Variants in LRRTM4 observed in about 807,000 individuals in gnomAD.
The protein encoded by LRRTM4 is leucine-rich repeat transmembrane neuronal protein 4.
Under a neutral mutation model 47.6 loss-of-function variants are expected in LRRTM4, and 25 were observed. That is an observed-to-expected ratio of 0.53 (90% confidence interval 0.38 to 0.73). The LOEUF (loss-of-function observed/expected upper bound fraction) is 0.73. Among genes scored for constraint, LRRTM4 ranks in the 30% least tolerant of loss-of-function variants. LRRTM4 has a pLI of 0.00. For synonymous variants in LRRTM4, 311 were observed against 269.5 expected, an observed-to-expected ratio of 1.15 and a Z score of -1.51; for missense variants, 638 against 713.4, an observed-to-expected ratio of 0.89 and a Z score of 1.20.
At chr2:77,253,385 G>T (rs953321720) in intron 3 of LRRTM4, among the ~76,000 whole-genome samples, 12 of 152,004 alleles carry the variant, frequency 7.9e-5, no homozygotes, top group African/African-American at 2.9e-4. Flanking sequence ...TGTCAATAGA[G>T]GCCAACTAGG....
chr2:76,808,673 C>T (rs75337149), intron 3 of LRRTM4, among the ~76,000 whole-genome samples: 6,780 of 152,190 alleles, frequency 0.045, 460 homozygotes, highest in African/African-American at 0.14. Context: ...AGTCCACTTC[C>T]AAATTCCTAG....
chr2:77,342,656 T>C lies in LRRTM4; in HGVS notation c.1551+175662A>G, dbSNP rs143274438. On this transcript the variant is annotated intron_variant, in intron 3 of 3. Transcript: ENST00000409884. Reference sequence around the variant, plus strand: ...AGACAATATATACACAATTGTATAATAAAATATCTTCCAGAGAACAGTCAT... The same window carrying C: ...AGACAATATATACACAATTGTATAACAAAATATCTTCCAGAGAACAGTCAT... Among the ~76,000 whole-genome samples, 1,220 of 152,122 alleles carry C rather than the reference T, an allele frequency of 8.0e-3. 23 individuals are homozygous for C. Among genetic ancestry groups the C allele is most frequent in the African/African-American group, 0.028 (1,177 of 41,536 alleles).
intron 3 of LRRTM4, among the ~76,000 whole-genome samples, chr2:76,763,356 G>A (rs1286670935): frequency 6.6e-6 from 1 of 152,200 alleles, no homozygotes; most frequent in African/African-American, 2.4e-5. Flanking sequence ...GTCACAAGGT[G>A]GGTTCCTGAT....
chr2:76,841,834 AT>A (rs1405471392), intron 3 of LRRTM4, among the ~76,000 whole-genome samples: 1 of 152,174 alleles, frequency 6.6e-6, no homozygotes, highest in East Asian at 1.9e-4. Context: ...AGAACTAAAG[AT>A]TTTTTAAAAA....
At chr2:77,322,475 G>A (rs762475636) in intron 3 of LRRTM4, among the ~76,000 whole-genome samples, 42 of 152,022 alleles carry the variant, frequency 2.8e-4, no homozygotes, top group Non-Finnish European at 4.3e-4. Context: ...ACATGATAGG[G>A]AAAGTTTAAC....
In LRRTM4 at chr2:77,008,820, G is replaced by A. The variant is rs147582438; in HGVS notation, c.1552-259904C>T. On this transcript the variant is annotated intron_variant, in intron 3 of 3. Transcript: ENST00000409884. ...ACGAGGCGCCGGCAATGCCTTTCTAGTAGCTTATTACTTTTTCCTTGTAGG... is the reference window on the plus strand; with the variant it reads ...ACGAGGCGCCGGCAATGCCTTTCTAATAGCTTATTACTTTTTCCTTGTAGG... Among the ~76,000 whole-genome samples, 489 of 151,906 alleles carry A rather than the reference G, an allele frequency of 3.2e-3. 2 individuals carry two copies. The highest frequency in any genetic ancestry group is 4.9e-3 in the Non-Finnish European group (335 of 67,938).
chr2:77,502,324 T>C (rs1435026228), intron 3 of LRRTM4, among the ~76,000 whole-genome samples: 3 of 151,420 alleles, frequency 2.0e-5, no homozygotes, highest in African/African-American at 4.8e-5. Context: ...TTTATCATTT[T>C]GAACATAAAC....
chr2:77,500,868 G>GT (rs1678547330), intron 3 of LRRTM4, among the ~76,000 whole-genome samples: 1 of 151,352 alleles, frequency 6.6e-6, no homozygotes, highest in South Asian at 2.1e-4. Context: ...TTTATTTACT[G>GT]TAATGAGAAA....
intron 3 of LRRTM4, among the ~76,000 whole-genome samples, chr2:76,872,892 T>G (rs1299691701): frequency 6.6e-6 from 1 of 152,070 alleles, no homozygotes; most frequent in Non-Finnish European, 1.5e-5. Context: ...ACCTTCCCAC[T>G]CACCCTTGCT....
chr2:76,991,687 G>A (rs1028295708), intron 3 of LRRTM4, among the ~76,000 whole-genome samples: 1 of 151,654 alleles, frequency 6.6e-6, no homozygotes, highest in Admixed American at 6.6e-5. Context: ...AGGGCTCAGA[G>A]CCAAATTCTA....
At chr2:77,121,384 A>G (rs569079463) in intron 3 of LRRTM4, among the ~76,000 whole-genome samples, 1 of 151,940 alleles carries the variant, frequency 6.6e-6, no homozygotes, top group Non-Finnish European at 1.5e-5. Flanking sequence ...TTCCCAAACA[A>G]AGGATAAATA....
chr2:77,085,207 TTCA>T (rs1680669957), intron 3 of LRRTM4, among the ~76,000 whole-genome samples: 1 of 152,030 alleles, frequency 6.6e-6, no homozygotes, highest in Non-Finnish European at 1.5e-5. Flanking sequence ...TTTATTTTAT[TTCA>T]TTTTATATAT....
chr2:77,173,551 TATTAA>T (rs1673113016), intron 3 of LRRTM4, among the ~76,000 whole-genome samples: 1 of 152,188 alleles, frequency 6.6e-6, no homozygotes, highest in African/African-American at 2.4e-5. Flanking sequence ...GAACGGTCTT[TATTAA>T]ATTAAACCAA....
intron 3 of LRRTM4, among the ~76,000 whole-genome samples, chr2:76,752,973 G>A (rs1404381626): frequency 6.6e-6 from 1 of 152,138 alleles, no homozygotes; most frequent in African/African-American, 2.4e-5. Context: ...ATTGGAAGCT[G>A]CACTTTATTT....
At chr2:76,811,529 C>T (rs1177443347) in intron 3 of LRRTM4, among the ~76,000 whole-genome samples, 1 of 152,102 alleles carries the variant, frequency 6.6e-6, no homozygotes, top group Admixed American at 6.6e-5. Context: ...TAAGGCCATT[C>T]ATCTGATGGA....
chr2:76,905,545 C>G (rs1040866183), intron 3 of LRRTM4, among the ~76,000 whole-genome samples: 3 of 151,824 alleles, frequency 2.0e-5, no homozygotes, highest in African/African-American at 7.3e-5. Flanking sequence ...GACGATCAAA[C>G]TACGAGCTAC....
chr2:76,794,394 A>C (rs972557513), intron 3 of LRRTM4, among the ~76,000 whole-genome samples: 2 of 152,214 alleles, frequency 1.3e-5, no homozygotes, highest in African/African-American at 4.8e-5. Context: ...ACAGTCCCTA[A>C]ATACTGCTAT....
chr2:77,108,587 T>TC (rs931287196), intron 3 of LRRTM4, among the ~76,000 whole-genome samples: 10 of 148,468 alleles, frequency 6.7e-5, no homozygotes, highest in African/African-American at 2.3e-4. Flanking sequence ...TCTTTTTTTT[T>TC]TTTTCTTTTT....
intron 3 of LRRTM4, among the ~76,000 whole-genome samples, chr2:76,900,411 ATTC>A (rs1673584559): frequency 7.9e-6 from 1 of 126,156 alleles, no homozygotes; most frequent in Non-Finnish European, 1.6e-5. Context: ...GCTTATCTCT[ATTC>A]TTGTTTATTT....
Sources: allele counts gnomAD v4.1 joint callset (sites outside exome capture counted in the v4.1 genomes callset), GRCh38; gene constraint gnomAD v4.1.1; transcripts MANE v1.5; gene names NCBI Gene and HGNC (gene_info 2026-07-23, HGNC 2026-07-21).